NELL1: variants seen among roughly 807,000 people sequenced by gnomAD.
NELL1 encodes protein kinase C-binding protein NELL1.
In NELL1, 76 loss-of-function variants were observed where a neutral mutation model predicts 107.4. The observed-to-expected ratio is 0.71, with a 90% CI of 0.59 to 0.86. The LOEUF (loss-of-function observed/expected upper bound fraction) is 0.86, where lower values mean the gene tolerates loss of function less well. Among genes scored for constraint, NELL1 ranks in the 40% least tolerant of loss-of-function variants. The pLI is 0.00. For missense variants in NELL1, 1,024 were observed against 1,005.5 expected (o/e 1.02, Z -0.25); for synonymous variants, 353 against 341.2 (o/e 1.03, Z -0.38).
chr11:21,355,245 G>C (rs1370704447), intron 14 of NELL1, among the ~76,000 whole-genome samples: 1 of 152,148 alleles, frequency 6.6e-6, no homozygotes, highest in Non-Finnish European at 1.5e-5. Context: ...ACTGATGTGT[G>C]CACCAGTTAG....
intron 13 of NELL1, among the ~76,000 whole-genome samples, chr11:21,125,684 A>G (rs1346065002): frequency 1.3e-5 from 2 of 152,188 alleles, no homozygotes; most frequent in Non-Finnish European, 2.9e-5. Flanking sequence ...TGGAGAGGAA[A>G]TGTTTTCTAT....
At chr11:21,475,726 A>G (rs1426274457) in intron 15 of NELL1, among the ~76,000 whole-genome samples, 1 of 152,206 alleles carries the variant, frequency 6.6e-6, no homozygotes, top group Non-Finnish European at 1.5e-5. Context: ...TACTGGTGAA[A>G]TCCATTGAAA....
chr11:21,278,811 C>T (rs1422820523), intron 14 of NELL1, among the ~76,000 whole-genome samples: 2 of 152,008 alleles, frequency 1.3e-5, no homozygotes, highest in African/African-American at 4.8e-5. Context: ...CAGACAAAGA[C>T]TCAGAATAAC....
Position 20,773,492 on chromosome 11 carries a change from T to G in NELL1, c.185-10188T>G, listed in dbSNP as rs1856680366. On this transcript the variant is annotated intron_variant, in intron 2 of 19. Transcript: ENST00000357134. The stretch of plus-strand genomic sequence containing the variant: ...TACTTGATAAGATGTGAAATTGGAT[T>G]TTTTTTTTCTTTTTTTTTTTTAAGA... 2.6e-5 allele frequency: 4 copies of G among 151,204 alleles called. No individual in the cohort carries two copies. The South Asian group carries it at 8.4e-4, about 32-fold the overall frequency. 9.4% of individuals were successfully genotyped at this position (151,204 alleles called of 1,614,324 possible).
At chr11:20,991,429 A>G (rs1163770846) in intron 12 of NELL1, among the ~76,000 whole-genome samples, 2 of 152,202 alleles carry the variant, frequency 1.3e-5, no homozygotes, top group African/African-American at 4.8e-5. Context: ...TTTTGTACCA[A>G]TTATGTGCAA....
intron 12 of NELL1, among the ~76,000 whole-genome samples, chr11:20,965,171 C>T (rs1196419577): frequency 6.6e-6 from 1 of 152,102 alleles, no homozygotes; most frequent in African/African-American, 2.4e-5. Context: ...TTTGCTCTGG[C>T]ACTGCTGCCA....
rs1857543908 is a variant in NELL1 at position 21,213,373 on chromosome 11, A to C, written c.1427-15959A>C. 2.6e-5 allele frequency among the ~76,000 whole-genome samples: 4 copies of C among 152,298 alleles called. No homozygotes were observed. In the South Asian group the frequency reaches 8.3e-4, roughly 32 times the overall value. On this transcript the variant is annotated intron_variant, in intron 13 of 19. Transcript: ENST00000357134. ...AAGCTTAATCTGAAATTTGGGTAGA[A>C]GTGCAAAAGAACTAGAATAGCTAAA... is the stretch of plus-strand genomic sequence containing the variant.
intron 3 of NELL1, among the ~76,000 whole-genome samples, chr11:20,843,632 T>G (rs1423749559): frequency 2.0e-5 from 3 of 147,428 alleles, no homozygotes; most frequent in African/African-American, 7.3e-5. Flanking sequence ...GAATATAAAA[T>G]TTTATTATAA....
chr11:20,793,296 G>A (rs1857109930), intron 3 of NELL1, among the ~76,000 whole-genome samples: 2 of 151,784 alleles, frequency 1.3e-5, no homozygotes, highest in African/African-American at 2.4e-5. Flanking sequence ...TTGGCAAGTA[G>A]TTGGACGTTA....
intron 12 of NELL1, among the ~76,000 whole-genome samples, chr11:20,984,801 G>A (rs1397052953): frequency 6.6e-6 from 1 of 151,818 alleles, no homozygotes; most frequent in Non-Finnish European, 1.5e-5. Context: ...GGGAGTAATT[G>A]GCTTATTTTG....
intron 2 of NELL1, among the ~76,000 whole-genome samples, chr11:20,680,584 A>T (rs1213764573): frequency 1.3e-5 from 2 of 152,124 alleles, no homozygotes; most frequent in Non-Finnish European, 2.9e-5. Context: ...TTTCTGTTCC[A>T]AAGGAAGGAA....
chr11:21,570,564 C>T (rs750943216), intron 17 of NELL1, among the ~76,000 whole-genome samples, 200 bp from the exon 18 acceptor site: 1 of 151,610 alleles, frequency 6.6e-6, no homozygotes, highest in African/African-American at 2.4e-5. Flanking sequence ...AAAAATGTTC[C>T]TATTTTTATT....
chr11:21,170,388 G>C (rs987851113), intron 13 of NELL1, among the ~76,000 whole-genome samples: 1 of 151,572 alleles, frequency 6.6e-6, no homozygotes, highest in Non-Finnish European at 1.5e-5. Flanking sequence ...AGAGATACAG[G>C]GACACACACA....
At chr11:21,392,631 A>T (rs918682925) in intron 15 of NELL1, among the ~76,000 whole-genome samples, 1 of 151,760 alleles carries the variant, frequency 6.6e-6, no homozygotes, top group Admixed American at 6.6e-5. Flanking sequence ...TTTCTTTCCC[A>T]TAGATAAAAA....
intron 12 of NELL1, among the ~76,000 whole-genome samples, chr11:21,033,852 A>G (rs1006860415): frequency 6.6e-6 from 1 of 152,112 alleles, no homozygotes; most frequent in African/African-American, 2.4e-5. Flanking sequence ...TTTAACTTCT[A>G]CTAACCCTGT....
intron 2 of NELL1, among the ~76,000 whole-genome samples, chr11:20,752,790 C>T (rs1167074713): frequency 6.6e-6 from 1 of 152,100 alleles, no homozygotes; most frequent in South Asian, 2.1e-4. Context: ...ACTGGTGAGA[C>T]CACAACATTA....
intron 13 of NELL1, among the ~76,000 whole-genome samples, chr11:21,200,562 A>T (rs1199749837): frequency 1.3e-5 from 2 of 151,942 alleles, no homozygotes; most frequent in East Asian, 1.9e-4. Context: ...GATTGCAAAA[A>T]TTTTCTCCCA....
intron 14 of NELL1, among the ~76,000 whole-genome samples, chr11:21,342,556 A>G (rs1323248128): frequency 2.0e-5 from 3 of 151,676 alleles, no homozygotes; most frequent in African/African-American, 7.3e-5. Context: ...AGGAGGGAGA[A>G]TCACTTGAGC....
chr11:20,865,035 G>A (rs993271635), intron 4 of NELL1, among the ~76,000 whole-genome samples: 1 of 152,080 alleles, frequency 6.6e-6, no homozygotes, highest in African/African-American at 2.4e-5. Context: ...TTATTTTCCT[G>A]CCCTCCTTTA....
Sources: allele counts gnomAD v4.1 joint callset (sites outside exome capture counted in the v4.1 genomes callset), GRCh38; gene constraint gnomAD v4.1.1; transcripts MANE v1.5; gene names NCBI Gene and HGNC (gene_info 2026-07-23, HGNC 2026-07-21).